Variants in PTPRD observed in about 807,000 individuals in gnomAD.
The protein encoded by PTPRD is receptor-type tyrosine-protein phosphatase delta.
PTPRD carries 34 observed loss-of-function variants against 214.5 expected under a neutral mutation model. The ratio of observed to expected loss-of-function variants is 0.16; its 90% CI spans 0.12 to 0.21. The LOEUF (loss-of-function observed/expected upper bound fraction) is 0.21. Ranked by LOEUF, PTPRD falls within the 10% of genes least tolerant of loss-of-function variation. The pLI is 1.00. For missense variants in PTPRD, 2,545 were observed against 2,398.7 expected, an observed-to-expected ratio of 1.06 and a Z score of -1.27; for synonymous variants, 1,128 against 845.7, an observed-to-expected ratio of 1.33 and a Z score of -5.79.
intron 11 of PTPRD, among the ~76,000 whole-genome samples, chr9:8,838,348 G>C (rs1463483412): frequency 2.0e-5 from 3 of 151,774 alleles, no homozygotes; most frequent in Non-Finnish European, 4.4e-5. Context: ...AAATTATTTA[G>C]AACCTTGCCT....
intron 3 of PTPRD, among the ~76,000 whole-genome samples, chr9:10,234,162 G>A (rs2099621521): frequency 6.6e-6 from 1 of 151,646 alleles, no homozygotes; most frequent in South Asian, 2.1e-4. Context: ...GCTGATGCAG[G>A]AGAATTGCTT....
chr9:9,789,302 G>A (rs2098949578), intron 5 of PTPRD, among the ~76,000 whole-genome samples: 1 of 152,296 alleles, frequency 6.6e-6, no homozygotes, highest in South Asian at 2.1e-4. Context: ...GCAAGTTCCC[G>A]TAGCGTATGA....
At chr9:9,354,027 G>C (rs1048965138) in intron 9 of PTPRD, among the ~76,000 whole-genome samples, 1 of 151,704 alleles carries the variant, frequency 6.6e-6, no homozygotes, top group Non-Finnish European at 1.5e-5. Context: ...TTAGCTCCTA[G>C]AGGCTGCTCT....
intron 4 of PTPRD, among the ~76,000 whole-genome samples, chr9:10,012,512 A>G (rs963421910): frequency 6.6e-6 from 1 of 152,010 alleles, no homozygotes; most frequent in Non-Finnish European, 1.5e-5. Context: ...TATAACTAAG[A>G]AGGCATTTAT....
At chr9:10,207,376 A>G (rs1403312201) in intron 3 of PTPRD, among the ~76,000 whole-genome samples, 1 of 152,092 alleles carries the variant, frequency 6.6e-6, no homozygotes, top group Non-Finnish European at 1.5e-5. Context: ...ATTGGTCTGT[A>G]ATTTCATTTT....
At chr9:8,976,365 A>G (rs2099268070) in intron 11 of PTPRD, among the ~76,000 whole-genome samples, 1 of 152,058 alleles carries the variant, frequency 6.6e-6, no homozygotes, top group Non-Finnish European at 1.5e-5. Context: ...TCCAAATATG[A>G]CTTGGTAACC....
intron 9 of PTPRD, among the ~76,000 whole-genome samples, chr9:9,308,184 G>A (rs983684461): frequency 2.0e-5 from 3 of 151,904 alleles, no homozygotes; most frequent in Non-Finnish European, 2.9e-5. Flanking sequence ...CGTGATTTTG[G>A]GCAAATACCT....
At chr9:10,079,031 T>G (rs2098185593) in intron 3 of PTPRD, among the ~76,000 whole-genome samples, 1 of 152,090 alleles carries the variant, frequency 6.6e-6, no homozygotes, top group Admixed American at 6.6e-5. Context: ...TTTAAACAAT[T>G]ATGTGCACAT....
chr9:10,297,509 A>G (rs1159954069), intron 3 of PTPRD, among the ~76,000 whole-genome samples: 1 of 151,706 alleles, frequency 6.6e-6, no homozygotes, highest in Non-Finnish European at 1.5e-5. Context: ...AGGGAAAGTG[A>G]ATTCCCAGGG....
intron 4 of PTPRD, among the ~76,000 whole-genome samples, chr9:9,955,443 C>A (rs1007357318): frequency 9.2e-5 from 14 of 151,950 alleles, no homozygotes; most frequent in African/African-American, 3.1e-4. Flanking sequence ...TGTTATATAT[C>A]AATTTGGTAC....
Position 10,527,320 on chromosome 9 carries a change from G to A in PTPRD, c.-600+85078C>T, listed in dbSNP as rs553445973. ...AGTAAAGAACAGCCTCAAACAGCCC[G>A]TCTCAAACAAATGAGATAAGAGACT... is the stretch of plus-strand genomic sequence containing the variant. On this transcript the variant is annotated intron_variant, in intron 2 of 45. Transcript: ENST00000381196. Among the ~76,000 whole-genome samples the A allele has an allele frequency of 1.5e-3, 229 of 152,150 alleles. 2 individuals carry two copies. The highest frequency in any genetic ancestry group is 0.01 in the Middle Eastern group (3 of 294).
intron 11 of PTPRD, among the ~76,000 whole-genome samples, chr9:8,810,818 T>C (rs1262012361): frequency 2.6e-5 from 4 of 152,140 alleles, no homozygotes; most frequent in East Asian, 3.9e-4. Flanking sequence ...AAATCAACCA[T>C]GGGGTCTTCG....
At chr9:8,493,899 T>C (rs957805228) in intron 26 of PTPRD, among the ~76,000 whole-genome samples, 11 of 152,166 alleles carry the variant, frequency 7.2e-5, no homozygotes, top group African/African-American at 2.7e-4. Context: ...TTAGAGATTC[T>C]GGCTATTAGC....
At chr9:10,470,164 T>A (rs542620515) in intron 2 of PTPRD, among the ~76,000 whole-genome samples, 1 of 152,162 alleles carries the variant, frequency 6.6e-6, no homozygotes, top group Non-Finnish European at 1.5e-5. Flanking sequence ...AGGTAATGGA[T>A]GTGCTAAATA....
At chr9:8,863,833 A>G (rs779539711) in intron 11 of PTPRD, among the ~76,000 whole-genome samples, 3 of 152,186 alleles carry the variant, frequency 2.0e-5, no homozygotes, top group African/African-American at 7.2e-5. Flanking sequence ...GTTTTGATAC[A>G]TTTTTTAAAT....
At chr9:8,355,142 G>T (rs74741104) in intron 39 of PTPRD, among the ~76,000 whole-genome samples, 9,616 of 152,036 alleles carry the variant, frequency 0.063, 412 homozygotes, top group Middle Eastern at 0.1. Flanking sequence ...GGTAATGAGG[G>T]ATATTGAGTT....
chr9:8,865,298 G>A (rs1430694111), intron 11 of PTPRD, among the ~76,000 whole-genome samples: 1 of 152,152 alleles, frequency 6.6e-6, no homozygotes, highest in African/African-American at 2.4e-5. Flanking sequence ...TCTACTTGGT[G>A]TACATACTCA....
rs932471002 is a variant in PTPRD, at chr9:8,413,485, A to T, written c.4087-8825T>A. Among the ~76,000 whole-genome samples, 92 of 152,146 alleles carry T rather than the reference A, an allele frequency of 6.0e-4. 1 individual carries two copies. The highest frequency in any genetic ancestry group is 2.6e-4 in the Non-Finnish European group (18 of 67,992). On this transcript the variant is annotated intron_variant, in intron 35 of 45. Transcript: ENST00000381196. ...AAATAATCACTTAAAAAACTCTTGT[A>T]CCCCATTTCATACCAAATGTATTTA...
At chr9:8,381,621 T>A (rs1476386494) in intron 37 of PTPRD, among the ~76,000 whole-genome samples, 1 of 152,196 alleles carries the variant, frequency 6.6e-6, no homozygotes, top group Non-Finnish European at 1.5e-5. Context: ...ATTAAAGCAT[T>A]TGACCACCAG....
Sources: allele counts gnomAD v4.1 joint callset (sites outside exome capture counted in the v4.1 genomes callset), GRCh38; gene constraint gnomAD v4.1.1; transcripts MANE v1.5; gene names NCBI Gene and HGNC (gene_info 2026-07-23, HGNC 2026-07-21).